TMTC2: variants seen among roughly 807,000 people sequenced by gnomAD.
TMTC2 encodes transmembrane O-mannosyltransferase targeting cadherins 2.
Under a neutral mutation model 82.4 loss-of-function variants are expected in TMTC2, and 43 were observed. That is an observed-to-expected ratio of 0.52 (90% confidence interval 0.41 to 0.67). The LOEUF (loss-of-function observed/expected upper bound fraction) is 0.67, where lower values mean the gene tolerates loss of function less well. Among genes scored for constraint, TMTC2 ranks in the 30% least tolerant of loss-of-function variants. The probability of loss-of-function intolerance (pLI) is 0.00; values close to 1 mark genes in which losing one functional copy is unlikely to be tolerated. For missense variants in TMTC2, 919 were observed against 1,012.4 expected (o/e 0.91, Z 1.25); for synonymous variants, 408 against 381.9 (o/e 1.07, Z -0.80).
intron 3 of TMTC2, among the ~76,000 whole-genome samples, chr12:82,921,712 A>G (rs146412405): frequency 3.5e-4 from 54 of 152,284 alleles, no homozygotes; most frequent in African/African-American, 1.3e-3. Flanking sequence ...AACAACAATT[A>G]TATTTTTTGA....
intron 1 of TMTC2, among the ~76,000 whole-genome samples, chr12:82,766,429 C>T (rs1876965876): frequency 6.6e-6 from 1 of 152,166 alleles, no homozygotes; most frequent in Non-Finnish European, 1.5e-5. Flanking sequence ...CTGAAATGAT[C>T]CTTCCCAAAG....
chr12:82,857,010 C>A lies in TMTC2; in HGVS notation c.84C>A (p.Ser28Arg). 1.3e-6 allele frequency: 2 copies of A among 1,588,318 alleles called. No individual in the cohort carries two copies. Among genetic ancestry groups the A allele is most frequent in the Non-Finnish European group, 1.7e-6 (2 of 1,168,992 alleles). Residue 28 changes from serine (S) to arginine (R), a missense_variant and splice_region_variant, in exon 2 of 12, where the codon AGC (serine) becomes AGA (arginine). Transcript: ENST00000321196. The stretch of plus-strand genomic sequence containing the variant: ...TTTTTTTTAACGTTTTGTTTTTTAG[C>A]CGTGCTATCAAGACTAATCAGGACC... ...TLSADFCYDD[S>R]RAIKTNQDLL...
intron 1 of TMTC2, among the ~76,000 whole-genome samples, chr12:82,713,213 TG>T (rs1457796178): frequency 2.0e-5 from 3 of 151,682 alleles, no homozygotes; most frequent in Non-Finnish European, 4.4e-5. Context: ...CCCAGCTACT[TG>T]GGAGGCTGAG....
At chr12:82,920,449 A>T (rs1875320076) in intron 3 of TMTC2, among the ~76,000 whole-genome samples, 1 of 152,190 alleles carries the variant, frequency 6.6e-6, no homozygotes, top group South Asian at 2.1e-4. Flanking sequence ...GGAATATTTA[A>T]TTGTTCTTCT....
intron 1 of TMTC2, among the ~76,000 whole-genome samples, chr12:82,780,037 A>T (rs1233912897): frequency 6.6e-6 from 1 of 151,818 alleles, no homozygotes; most frequent in African/African-American, 2.4e-5. Context: ...TTTTTGTACC[A>T]TTTACTTGTA....
At chr12:83,112,146 A>G (rs568273759) in intron 11 of TMTC2, among the ~76,000 whole-genome samples, 2 of 152,218 alleles carry the variant, frequency 1.3e-5, no homozygotes, top group South Asian at 4.1e-4. Context: ...TAAAATTTTC[A>G]TCTTACTTGA....
At chr12:82,728,890 C>T (rs1383866111) in intron 1 of TMTC2, among the ~76,000 whole-genome samples, 14 of 152,236 alleles carry the variant, frequency 9.2e-5, no homozygotes, top group Non-Finnish European at 2.9e-5. Context: ...CTGCACTGGG[C>T]AGTGAGGAGC....
At chr12:82,882,320 C>A (rs1265524704) in intron 2 of TMTC2, among the ~76,000 whole-genome samples, 1 of 152,080 alleles carries the variant, frequency 6.6e-6, no homozygotes, top group African/African-American at 2.4e-5. Flanking sequence ...AAATAACTAG[C>A]CTTCGGGTAC....
chr12:82,965,177 A>T, intron 5 of TMTC2, 68 bp downstream of exon 5: 1 of 1,191,114 alleles, frequency 8.4e-7, no homozygotes, highest in South Asian at 1.3e-5. Flanking sequence ...TCTAATTTAC[A>T]GCCTCACTGA....
chr12:82,748,413 G>A (rs1875801861), intron 1 of TMTC2, among the ~76,000 whole-genome samples: 1 of 152,176 alleles, frequency 6.6e-6, no homozygotes, highest in African/African-American at 2.4e-5. Context: ...ATGCGCTTTG[G>A]AGGGAATTGA....
At chr12:83,131,580 G>A (rs1310310717) in intron 11 of TMTC2, among the ~76,000 whole-genome samples, 4 of 152,012 alleles carry the variant, frequency 2.6e-5, no homozygotes, top group South Asian at 2.1e-4. Flanking sequence ...TCACTCTATG[G>A]TAAACATTCA....
chr12:82,870,211 G>C (rs2137135064), intron 2 of TMTC2, among the ~76,000 whole-genome samples: 3 of 151,836 alleles, frequency 2.0e-5, no homozygotes, highest in Admixed American at 2.0e-4. Flanking sequence ...GTTGTTTTTT[G>C]TTCCCTTCCT....
At chr12:82,829,463 T>C (rs866264770) in intron 1 of TMTC2, among the ~76,000 whole-genome samples, 5 of 152,108 alleles carry the variant, frequency 3.3e-5, no homozygotes, top group Non-Finnish European at 1.5e-5. Context: ...TTCGTTTTCA[T>C]TTAAAAGAGA....
intron 1 of TMTC2, among the ~76,000 whole-genome samples, chr12:82,735,999 A>G (rs575111876): frequency 2.4e-4 from 37 of 151,278 alleles, no homozygotes; most frequent in African/African-American, 8.5e-4. Flanking sequence ...ACACACACAC[A>G]CACAATTATC....
intron 11 of TMTC2, among the ~76,000 whole-genome samples, chr12:83,079,406 A>G (rs1883389777): frequency 6.6e-6 from 1 of 152,186 alleles, no homozygotes; most frequent in African/African-American, 2.4e-5. Flanking sequence ...TATTTCTTTT[A>G]AATAGATAGT....
intron 1 of TMTC2, among the ~76,000 whole-genome samples, chr12:82,793,195 A>G (rs1019050863): frequency 6.6e-6 from 1 of 152,150 alleles, no homozygotes; most frequent in Non-Finnish European, 1.5e-5. Flanking sequence ...GATGCAAGGG[A>G]TAGAACATTA....
chr12:82,743,372 A>G, intron 1 of TMTC2, among the ~76,000 whole-genome samples: 1 of 151,512 alleles, frequency 6.6e-6, no homozygotes, highest in Non-Finnish European at 1.5e-5. Flanking sequence ...ACTGGGACCC[A>G]GGAGGCAGAG....
chr12:82,952,435 T>A lies in TMTC2; in HGVS notation c.1599-12589T>A, dbSNP rs556589060. Among the ~76,000 whole-genome samples, 3 of 152,284 alleles carry A rather than the reference T, an allele frequency of 2.0e-5. No homozygotes were observed. In the South Asian group the frequency reaches 6.2e-4, roughly 32 times the overall value. ...TACTTTGTATTTATTTGAATGTAAT[T>A]AAATGAAGTTTTTATTAAAATTTCT... On this transcript the variant is annotated intron_variant, in intron 4 of 11. Coordinates refer to ENST00000321196, the MANE Select transcript of TMTC2 (RefSeq NM_152588.3).
intron 1 of TMTC2, among the ~76,000 whole-genome samples, chr12:82,719,085 A>ATATATATATT (rs1282211374): frequency 2.4e-5 from 1 of 41,414 alleles, no homozygotes; most frequent in African/African-American, 1.2e-4. Context: ...ATATATATAT[A>ATATATATATT]TTTTTTTTTT....
Sources: allele counts gnomAD v4.1 joint callset (sites outside exome capture counted in the v4.1 genomes callset), GRCh38; gene constraint gnomAD v4.1.1; transcripts MANE v1.5; gene names NCBI Gene and HGNC (gene_info 2026-07-23, HGNC 2026-07-21).